CLHC1: variants seen among roughly 807,000 people sequenced by gnomAD.
CLHC1 encodes clathrin heavy chain linker domain containing 1, also known as clathrin heavy chain linker domain-containing protein 1.
A neutral mutation model predicts 69.5 loss-of-function variants in CLHC1; 72 were observed. The observed-to-expected ratio is 1.04, with a 90% CI of 0.86 to 1.26. The LOEUF (loss-of-function observed/expected upper bound fraction) is 1.26, where lower values mean the gene tolerates loss of function less well. Ranked by LOEUF, CLHC1 falls within the 50% of genes most tolerant of loss-of-function variation. The pLI is 0.00. For synonymous variants in CLHC1, 223 were observed against 224.3 expected (o/e 0.99, Z 0.05); for missense variants, 790 against 679.3 (o/e 1.16, Z -1.81).
chr2:55,199,296 C>CAAAAAAAAAAAAA (rs57570449), intron 9 of CLHC1, among the ~76,000 whole-genome samples: 1 of 70,960 alleles, frequency 1.4e-5, no homozygotes, highest in Non-Finnish European at 2.5e-5. Context: ...GACTCCATCT[C>CAAAAAAAAAAAAA]AAAAAAAAAA....
upstream of CLHC1, chr2:55,232,409 A>C: frequency 3.5e-6 from 1 of 286,860 alleles, no homozygotes; most frequent in Non-Finnish European, 6.9e-6. Flanking sequence ...GCCCCCCTCG[A>C]CCTCCTTTTA....
chr2:55,224,800 G>T (rs554295324), intron 2 of CLHC1: 9 of 312,500 alleles, frequency 2.9e-5, no homozygotes, highest in African/African-American at 1.3e-4. Flanking sequence ...TTGGAGTAAA[G>T]CTCCGTCAAA....
intron 9 of CLHC1, among the ~76,000 whole-genome samples, chr2:55,200,710 C>T (rs1558479520): frequency 6.6e-6 from 1 of 152,150 alleles, no homozygotes; most frequent in Non-Finnish European, 1.5e-5. Flanking sequence ...ACGTATCACC[C>T]AACAGCTGAA....
At chr2:55,177,876 A>T (rs1669552928) in intron 11 of CLHC1, 95 bp from the exon 12 acceptor site, 4 of 863,650 alleles carry the variant, frequency 4.6e-6, no homozygotes. Flanking sequence ...GCCAATCAAC[A>T]GTTTTTCTAA....
chr2:55,182,303 TA>T (rs1670009126), intron 9 of CLHC1, among the ~76,000 whole-genome samples: 1 of 152,172 alleles, frequency 6.6e-6, no homozygotes, highest in Non-Finnish European at 1.5e-5. Context: ...TAACATACCC[TA>T]ACTTTGAAAA....
chr2:55,179,231 T>C (rs1669683565), intron 11 of CLHC1, among the ~76,000 whole-genome samples: 1 of 152,186 alleles, frequency 6.6e-6, no homozygotes, highest in East Asian at 1.9e-4. Flanking sequence ...ATACCTACTA[T>C]GCCAGATTCT....
intron 9 of CLHC1, among the ~76,000 whole-genome samples, chr2:55,200,946 G>A (rs1209651603): frequency 6.6e-6 from 1 of 152,050 alleles, no homozygotes; most frequent in Non-Finnish European, 1.5e-5. Context: ...GGTCAATGAA[G>A]AGATTAACAA....
intron 11 of CLHC1, among the ~76,000 whole-genome samples, 155 bp downstream of exon 11, chr2:55,180,355 T>C (rs916194369): frequency 6.6e-6 from 1 of 152,156 alleles, no homozygotes; most frequent in Non-Finnish European, 1.5e-5. Flanking sequence ...CAGCTTACTA[T>C]GTTCATGAAA....
intron 9 of CLHC1, among the ~76,000 whole-genome samples, chr2:55,200,757 T>G (rs1671873779): frequency 6.6e-6 from 1 of 152,158 alleles, no homozygotes; most frequent in East Asian, 1.9e-4. Context: ...TGGGTCATTC[T>G]CAAGGAAAGA....
intron 1 of CLHC1, among the ~76,000 whole-genome samples, chr2:55,228,773 T>G (rs761474038): frequency 6.6e-6 from 1 of 152,228 alleles, no homozygotes; most frequent in Non-Finnish European, 1.5e-5. Flanking sequence ...GCCATTATTC[T>G]AGACAATGGA....
chr2:55,189,385 TA>T (rs1378872731), intron 9 of CLHC1, among the ~76,000 whole-genome samples: 1 of 152,236 alleles, frequency 6.6e-6, no homozygotes, highest in African/African-American at 2.4e-5. Context: ...GCAAATGAAC[TA>T]AACTCTTGCT....
chr2:55,179,370 T>A (rs1256603386), intron 11 of CLHC1, among the ~76,000 whole-genome samples: 3 of 151,984 alleles, frequency 2.0e-5, no homozygotes, highest in African/African-American at 7.3e-5. Flanking sequence ...ACATAAGGAT[T>A]AAGTGAGATA....
rs912007809 is a variant in CLHC1 at position 55,180,707 on chromosome 2, G to C, written c.1187C>G (p.Thr396Arg). 1.2e-6 allele frequency: 2 copies of C among 1,613,506 alleles called. No individual in the cohort carries two copies. The highest frequency in any genetic ancestry group is 1.7e-6 in the Non-Finnish European group (2 of 1,179,662). The part of the protein sequence containing the change: ...VTNWVTQERL[T>R]FSEEAGDVIC... ...CACATCCCCAGCCTCCTCAGAAAAT[G>C]TCAGTCTAGAACAAGCAGATCAATA... is the stretch of plus-strand genomic sequence containing the variant. The change falls in exon 11 of 13, where the codon ACA becomes AGA. Residue 396 changes from threonine (T) to arginine (R), a missense_variant. Transcript: ENST00000401408.
intron 2 of CLHC1, among the ~76,000 whole-genome samples, chr2:55,222,711 G>A (rs1235231580): frequency 1.3e-5 from 2 of 151,804 alleles, no homozygotes; most frequent in African/African-American, 2.4e-5. Flanking sequence ...TCTGAGGTCC[G>A]GGAGTTCGAG....
In CLHC1 at chr2:55,201,631, T is replaced by C. The variant is rs776710909; in HGVS notation, c.1006+4639A>G. On this transcript the variant is annotated intron_variant, in intron 9 of 12. Transcript: ENST00000401408. Reference sequence around the variant, plus strand: ...ATCCTACTCAAGCTATTCCAAAAAATAGAGGCAGAGGAAATACTTCTAAAC... The same window carrying C: ...ATCCTACTCAAGCTATTCCAAAAAACAGAGGCAGAGGAAATACTTCTAAAC... 2.6e-4 allele frequency among the ~76,000 whole-genome samples: 40 copies of C among 152,108 alleles called. 4 individuals carry two copies. Among genetic ancestry groups the C allele is most frequent in the Admixed American group, 2.2e-3 (34 of 15,266 alleles).
At chr2:55,189,086 T>C (rs1033756761) in intron 9 of CLHC1, among the ~76,000 whole-genome samples, 5 of 152,030 alleles carry the variant, frequency 3.3e-5, no homozygotes, top group South Asian at 4.2e-4. Context: ...ATATGTAGAG[T>C]AGTAAATTAT....
intron 11 of CLHC1, 115 bp from the exon 12 acceptor site, chr2:55,177,896 A>G: frequency 1.4e-6 from 1 of 710,658 alleles, no homozygotes; most frequent in Middle Eastern, 4.1e-4. Context: ...ATCCTTTCAA[A>G]GCCCTCAATG....
intron 3 of CLHC1, among the ~76,000 whole-genome samples, chr2:55,220,592 A>C (rs1204719872): frequency 6.6e-6 from 1 of 152,164 alleles, no homozygotes; most frequent in Non-Finnish European, 1.5e-5. Flanking sequence ...ATTTAACACC[A>C]TATGTTTTCT....
rs1271325609 is a variant in CLHC1, at chr2:55,180,223, G to C, written c.1384+287C>G. Among the ~76,000 whole-genome samples the C allele has an allele frequency of 2.0e-5, 3 of 151,866 alleles. No homozygotes were observed. The East Asian group carries it at 5.8e-4, about 29-fold the overall frequency. On this transcript the variant is annotated intron_variant, in intron 11 of 12. Transcript: ENST00000401408. ...AAAATCATATATGTAGTATGTTCTA[G>C]TATATCTGCTAAATCTATCTTTAAA...
Sources: gnomAD v4.1 joint callset for allele counts (sites outside exome capture counted in the v4.1 genomes callset) on GRCh38, gnomAD v4.1.1 for gene constraint, MANE v1.5 for transcripts, NCBI Gene and HGNC (gene_info 2026-07-23, HGNC 2026-07-21) for gene names.